FGF18: variants seen among roughly 807,000 people sequenced by gnomAD.
FGF18 encodes the protein fibroblast growth factor 18.
FGF18 carries 5 observed loss-of-function variants against 23.0 expected under a neutral mutation model. The ratio of observed to expected loss-of-function variants is 0.22; its 90% CI spans 0.11 to 0.46. The LOEUF is 0.46. Ranked by LOEUF, FGF18 falls within the 20% of genes least tolerant of loss-of-function variation. The probability of loss-of-function intolerance (pLI) is 0.99; values close to 1 mark genes in which losing one functional copy is unlikely to be tolerated. For missense variants in FGF18, 180 were observed against 291.6 expected (o/e 0.62, Z 2.79); for synonymous variants, 117 against 118.9 (o/e 0.98, Z 0.10).
chr5:171,456,425 T>C lies in FGF18; in HGVS notation c.358-114T>C. 9.3e-7 allele frequency: 1 copy of C among 1,070,814 alleles called. No homozygotes were observed. Among genetic ancestry groups the C allele is most frequent in the Non-Finnish European group, 1.3e-6 (1 of 746,004 alleles). 66.3% of individuals were successfully genotyped at this position (1,070,814 alleles called of 1,614,324 possible). A position where few individuals can be genotyped will look rare whatever the true frequency, so the allele number is the denominator to read the frequency against. On this transcript the variant is annotated intron_variant, in intron 4 of 4. Coordinates refer to ENST00000274625, the MANE Select transcript of FGF18 (RefSeq NM_003862.3). The surrounding 1 kb of genome is among the most constrained non-coding windows in gnomAD (Gnocchi z 6.1). ...TCTCTCCCCCACTGCAAAACTTCAT[T>C]ACAGTTGTCCCTACAACAATCGCAA...
chr5:171,421,765 C>A (rs1440730224), intron 2 of FGF18, among the ~76,000 whole-genome samples: 1 of 151,890 alleles, frequency 6.6e-6, no homozygotes, highest in Non-Finnish European at 1.5e-5. Flanking sequence ...CTGATGGGTT[C>A]TTTCCTCCTG....
chr5:171,437,621 A>C (rs1283759340), intron 3 of FGF18, among the ~76,000 whole-genome samples: 1 of 146,752 alleles, frequency 6.8e-6, no homozygotes, highest in Non-Finnish European at 1.5e-5. Context: ...CCTCCTCCCC[A>C]CCTCTCCCAG....
At position 171,436,396 on chromosome 5, in the gene FGF18, G is replaced by A; in HGVS notation, c.250+123G>A. The A allele has an allele frequency of 1.4e-6, 1 of 719,940 alleles. No individual in the cohort carries two copies. The highest frequency in any genetic ancestry group is 2.1e-6 in the Non-Finnish European group (1 of 482,380). 44.6% of individuals were successfully genotyped at this position (719,940 alleles called of 1,614,324 possible). On this transcript the variant is annotated intron_variant, in intron 3 of 4. Coordinates refer to ENST00000274625, the MANE Select transcript of FGF18 (RefSeq NM_003862.3). The surrounding 1 kb of genome is among the most constrained non-coding windows in gnomAD (Gnocchi z 4.4). Reference sequence around the variant, plus strand: ...GCTGTGTGATCTTGGACCTGGCACTGACCCTTTCTGGGTCTGTTTCCTGAT... The same window carrying A: ...GCTGTGTGATCTTGGACCTGGCACTAACCCTTTCTGGGTCTGTTTCCTGAT...
chr5:171,424,858 AG>A (rs1229792575), intron 2 of FGF18, among the ~76,000 whole-genome samples: 1 of 7,198 alleles, frequency 1.4e-4, no homozygotes, highest in Non-Finnish European at 3.0e-4. Context: ...GGGAAGGGGG[AG>A]GGGGAGGGGA....
In FGF18 at chr5:171,420,442, A is replaced by C. The variant is rs1315393239; in HGVS notation, c.68A>C (p.Gln23Pro). 3 of 1,613,014 alleles carry C rather than the reference A, an allele frequency of 1.9e-6. No homozygotes were observed. The highest frequency in any genetic ancestry group is 4.5e-5 in the East Asian group (2 of 44,834). The change falls in exon 2 of 5, where the codon CAG becomes CCG. Residue 23 changes from glutamine (Q) to proline (P), a missense_variant and splice_region_variant. By Grantham distance (76) the Gln-to-Pro change is moderately conservative. Coordinates refer to ENST00000274625, the MANE Select transcript of FGF18 (RefSeq NM_003862.3). ...LHFLLLCFQV[Q>P]VLVAEENVDF... ...TTCCTGCTGCTGTGCTTCCAGGTAC[A>C]GGTACGTGGGCTCCTGACTTTGACC... is the stretch of plus-strand genomic sequence containing the variant.
At chr5:171,442,755 T>G (rs1339623033) in intron 3 of FGF18, among the ~76,000 whole-genome samples, 1 of 152,226 alleles carries the variant, frequency 6.6e-6, no homozygotes, top group Non-Finnish European at 1.5e-5. Context: ...CCCTGCTGTT[T>G]CCCACCCTTC....
At chr5:171,446,828 C>T (rs371165657) in intron 3 of FGF18, among the ~76,000 whole-genome samples, 10 of 151,986 alleles carry the variant, frequency 6.6e-5, no homozygotes, top group South Asian at 4.2e-4. Context: ...AAACTAGACC[C>T]GGTGAGCCCC....
Position 171,451,084 on chromosome 5 carries a change from C to A in FGF18, c.357+1831C>A, listed in dbSNP as rs1265943076. 1.3e-5 allele frequency among the ~76,000 whole-genome samples: 2 copies of A among 151,430 alleles called. No homozygotes were observed. Among genetic ancestry groups the A allele is most frequent in the African/African-American group, 4.8e-5 (2 of 41,314 alleles). On this transcript the variant is annotated intron_variant, in intron 4 of 4. Transcript: ENST00000274625. This position sits in a 1 kb window ranked among gnomAD's most constrained non-coding sequence, Gnocchi z 4.5. ...ACCCCGCCGCCGGCCGCCTCCCGCC[C>A]GCGGGCGAGCCGCTGAGTCACCGCT...
chr5:171,428,886 C>G (rs536356134), intron 2 of FGF18, among the ~76,000 whole-genome samples: 3 of 152,328 alleles, frequency 2.0e-5, no homozygotes, highest in South Asian at 2.1e-4. Flanking sequence ...TATTGATGAT[C>G]TGTACCATGA....
At position 171,420,210 on chromosome 5, in the gene FGF18, C is replaced by T. The variant is rs1384426981; in HGVS notation, c.11C>T (p.Ala4Val). 2 of 1,555,280 alleles carry T rather than the reference C, an allele frequency of 1.3e-6. No homozygotes were observed. Among genetic ancestry groups the T allele is most frequent in the Admixed American group, 1.9e-5 (1 of 52,446 alleles). The change falls in exon 1 of 5, where the codon GCG becomes GTG. Residue 4 changes from alanine (A) to valine (V), a missense_variant. Coordinates refer to ENST00000274625, the MANE Select transcript of FGF18 (RefSeq NM_003862.3). Reference sequence around the variant, plus strand: ...CCCTCCCGCCCAGCGATGTATTCAGCGCCCTCCGCCTGCACTTGCCTGTAA... The same window carrying T: ...CCCTCCCGCCCAGCGATGTATTCAGTGCCCTCCGCCTGCACTTGCCTGTAA... MYS[A>V]PSACTCLCLH...
At chr5:171,449,427 G>A (rs2113361458) in intron 4 of FGF18, among the ~76,000 whole-genome samples, 174 bp downstream of exon 4, 1 of 146,570 alleles carries the variant, frequency 6.8e-6, no homozygotes, top group Middle Eastern at 3.6e-3. Context: ...GAGAGAGACA[G>A]GAGAGAGAGA....
Position 171,457,173 on chromosome 5 carries a change from CA to C in FGF18, c.*377del, listed in dbSNP as rs570056915. 9 of 164,924 alleles carry C rather than the reference CA, an allele frequency of 5.5e-5. 1 individual carries two copies. Among genetic ancestry groups the C allele is most frequent in the Non-Finnish European group, 1.0e-4 (8 of 79,382 alleles). 10.2% of individuals were successfully genotyped at this position (164,924 alleles called of 1,614,324 possible). On this transcript the variant is annotated 3_prime_UTR_variant, in exon 5 of 5. Transcript: ENST00000274625. ...GTTCTGAAAGGAAAAAAAAAAAAAA[CA>C]AAAAAAAAGAAAAACAAAGAGAAAG... is the stretch of plus-strand genomic sequence containing the variant.
At chr5:171,441,287 G>A (rs1178525966) in intron 3 of FGF18, among the ~76,000 whole-genome samples, 3 of 152,150 alleles carry the variant, frequency 2.0e-5, no homozygotes, top group Non-Finnish European at 4.4e-5. Context: ...GCATGTTCCT[G>A]CACAGCTCAG....
intron 2 of FGF18, among the ~76,000 whole-genome samples, chr5:171,430,794 C>CAAAAAAAAAAAA (rs566577499): frequency 1.9e-5 from 1 of 53,822 alleles, no homozygotes; most frequent in Non-Finnish European, 3.7e-5. Flanking sequence ...GACTCCGTCT[C>CAAAAAAAAAAAA]AAAAAAAAAA....
At chr5:171,430,652 G>C (rs1009958506) in intron 2 of FGF18, among the ~76,000 whole-genome samples, 3 of 148,610 alleles carry the variant, frequency 2.0e-5, no homozygotes, top group African/African-American at 7.7e-5. Context: ...GCCGGGCGCG[G>C]TGGCGGGCGC....
chr5:171,423,393 G>T (rs1439254808), intron 2 of FGF18, among the ~76,000 whole-genome samples: 2 of 152,234 alleles, frequency 1.3e-5, no homozygotes, highest in Admixed American at 6.5e-5. Flanking sequence ...ATGACACCGG[G>T]CTGGGCCTTT....
intron 2 of FGF18, among the ~76,000 whole-genome samples, chr5:171,432,048 CAAAAA>C (rs1772189290): frequency 2.0e-5 from 3 of 151,612 alleles, no homozygotes; most frequent in Admixed American, 2.0e-4. Flanking sequence ...GACTCAGTCT[CAAAAA>C]AGAAAAAAGA....
intron 3 of FGF18, among the ~76,000 whole-genome samples, chr5:171,448,238 G>A (rs1414549983): frequency 6.6e-6 from 1 of 152,128 alleles, no homozygotes; most frequent in Non-Finnish European, 1.5e-5. Flanking sequence ...TCCCACCCTG[G>A]GGGGAATCCC....
chr5:171,427,067 G>A (rs1364463023), intron 2 of FGF18, among the ~76,000 whole-genome samples: 2 of 152,068 alleles, frequency 1.3e-5, no homozygotes, highest in African/African-American at 4.8e-5. Context: ...AAAATTAGCC[G>A]GGCATAGTGG....
Sources: gnomAD v4.1 joint callset for allele counts (sites outside exome capture counted in the v4.1 genomes callset) on GRCh38, gnomAD v4.1.1 for gene constraint, Gnocchi (gnomAD v3.1) non-coding constraint, MANE v1.5 for transcripts, NCBI Gene and HGNC (gene_info 2026-07-23, HGNC 2026-07-21) for gene names.